Variants in GPSM2 observed in about 807,000 individuals in gnomAD.
GPSM2 encodes the protein G protein-signaling modulator 2.
A neutral mutation model predicts 78.4 loss-of-function variants in GPSM2; 58 were observed. The ratio of observed to expected loss-of-function variants is 0.74; its 90% CI spans 0.60 to 0.92. The LOEUF (loss-of-function observed/expected upper bound fraction) is 0.92. Ranked by LOEUF, GPSM2 falls within the 40% of genes least tolerant of loss-of-function variation. The probability of loss-of-function intolerance (pLI) is 0.00; values close to 1 mark genes in which losing one functional copy is unlikely to be tolerated. For missense variants in GPSM2, 700 were observed against 815.5 expected (o/e 0.86, Z 1.73); for synonymous variants, 224 against 280.2 (o/e 0.80, Z 2.00).
rs927060638 is a variant in GPSM2 at position 108,924,151 on chromosome 1, C to T, written c.1752C>T (p.His584=). 2 of 1,613,776 alleles carry T rather than the reference C, an allele frequency of 1.2e-6. No homozygotes were observed. The highest frequency in any genetic ancestry group is 1.7e-6 in the Non-Finnish European group (2 of 1,179,716). Residue 584 remains histidine (H), a synonymous_variant, in exon 14 of 15, where the codon CAC becomes CAT. Transcript: ENST00000264126. ...AAAACAGCCAGTCGGTACTTAGCCA[C>T]CTGATGACTAATGACAACAAAGAGG... ...LTQNSQSVLS[H]LMTNDNKEAD... is the part of the protein sequence containing the mutation.
In GPSM2 at chr1:108,930,594, AAAAT is replaced by A. The variant is rs946097672; in HGVS notation, c.*659_*662del. On this transcript the variant is annotated 3_prime_UTR_variant, in exon 15 of 15. Transcript: ENST00000264126. ...GCAACATAGACCCCCGTGTCTATGA[AAAAT>A]AAATCAGCAGCCAGGCGCAGTGGCT... 8.6e-5 allele frequency: 13 copies of A among 151,470 alleles called. No individual in the cohort carries two copies. Among genetic ancestry groups the A allele is most frequent in the African/African-American group, 2.7e-4 (11 of 40,950 alleles). 9.4% of individuals were successfully genotyped at this position (151,470 alleles called of 1,614,324 possible).
intron 9 of GPSM2, among the ~76,000 whole-genome samples, chr1:108,903,893 A>G (rs1392441746): frequency 1.3e-5 from 2 of 152,208 alleles, no homozygotes; most frequent in African/African-American, 4.8e-5. Flanking sequence ...TTAAAAGAAT[A>G]CAATTAGCTG....
intron 14 of GPSM2, 109 bp from the exon 15 acceptor site, chr1:108,929,592 C>A: frequency 1.1e-6 from 1 of 939,422 alleles, no homozygotes; most frequent in South Asian, 1.4e-5. Context: ...CTGAGAAGCC[C>A]CAAATAAAAG....
intron 13 of GPSM2, 96 bp from the exon 14 acceptor site, chr1:108,923,904 C>T (rs1329134900): frequency 7.9e-6 from 7 of 888,158 alleles, no homozygotes; most frequent in African/African-American, 6.6e-5. Context: ...ACTGGCAAGG[C>T]CGAAAAGATC....
At position 108,932,165 on chromosome 1, in the gene GPSM2, T is replaced by G. The variant is rs2101593033; in HGVS notation, c.*2225T>G. ...GATGCACATCTGTAATCCTAGCTACTCGGGAGACTGAGGCAGGAGAATCTC... is the reference window on the plus strand; with the variant it reads ...GATGCACATCTGTAATCCTAGCTACGCGGGAGACTGAGGCAGGAGAATCTC... On this transcript the variant is annotated 3_prime_UTR_variant, in exon 15 of 15. Coordinates refer to ENST00000264126, the MANE Select transcript of GPSM2 (RefSeq NM_013296.5). 6.6e-6 allele frequency: 1 copy of G among 152,300 alleles called. No homozygotes were observed. The highest frequency in any genetic ancestry group is 3.4e-3 in the Middle Eastern group (1 of 294). 9.4% of individuals were successfully genotyped at this position (152,300 alleles called of 1,614,324 possible). A position where few individuals can be genotyped will look rare whatever the true frequency, so the allele number is the denominator to read the frequency against.
At chr1:108,913,197 C>T (rs1166126193) in intron 10 of GPSM2, among the ~76,000 whole-genome samples, 2 of 152,160 alleles carry the variant, frequency 1.3e-5, no homozygotes, top group East Asian at 3.8e-4. Context: ...GTTGTGCTCC[C>T]AGTTATATAC....
chr1:108,923,939 GTTTTTTTGTTT>G, intron 13 of GPSM2, 50 bp from the exon 14 acceptor site: 1 of 1,228,666 alleles, frequency 8.1e-7, no homozygotes, highest in Non-Finnish European at 1.2e-6. Flanking sequence ...ATGTGCCTAG[GTTTTTTTGTTT>G]TTTGTTTTTT....
chr1:108,912,066 C>T (rs975295766), intron 10 of GPSM2, among the ~76,000 whole-genome samples: 3 of 152,016 alleles, frequency 2.0e-5, no homozygotes, highest in Non-Finnish European at 2.9e-5. Context: ...CCTCAGTCTC[C>T]CAAAGTGCTG....
intron 13 of GPSM2, among the ~76,000 whole-genome samples, chr1:108,923,752 T>C (rs1305467046): frequency 1.3e-5 from 2 of 152,184 alleles, no homozygotes; most frequent in Non-Finnish European, 2.9e-5. Context: ...TAGAGAAATA[T>C]AGTCAAATCT....
At chr1:108,921,573 T>G (rs1308769215) in intron 12 of GPSM2, among the ~76,000 whole-genome samples, 1 of 152,194 alleles carries the variant, frequency 6.6e-6, no homozygotes, top group African/African-American at 2.4e-5. Flanking sequence ...TTATTTCACA[T>G]AGGATAAAGT....
At chr1:108,897,434 CACCATTTGTATTTTAAT>C in intron 3 of GPSM2, 41 bp from the exon 4 acceptor site, 6 of 1,493,812 alleles carry the variant, frequency 4.0e-6, no homozygotes, top group Non-Finnish European at 5.5e-6. Flanking sequence ...TATATTTTAA[CACCATTTGTATTTTAAT>C]ACCATTTGGT....
chr1:108,896,002 T>C (rs1648334805), intron 2 of GPSM2, among the ~76,000 whole-genome samples: 1 of 152,110 alleles, frequency 6.6e-6, no homozygotes, highest in Admixed American at 6.6e-5. Flanking sequence ...TTTGCCAAAT[T>C]ACAGAAATAA....
At position 108,904,139 on chromosome 1, in the gene GPSM2, T is replaced by C; in HGVS notation, c.1077T>C (p.Ser359=). Reference sequence around the variant, plus strand: ...TTGTGTTGTAGGTTGGGGATAAAAGTGGTGAACTAACAGCACGACTTAATC... The same window carrying C: ...TTGTGTTGTAGGTTGGGGATAAAAGCGGTGAACTAACAGCACGACTTAATC... The part of the protein sequence containing the change: ...LEISREVGDK[S]GELTARLNLS... Residue 359 remains serine (S), a synonymous_variant, in exon 10 of 15, where the codon AGT becomes AGC. Coordinates refer to ENST00000264126, the MANE Select transcript of GPSM2 (RefSeq NM_013296.5). The C allele has an allele frequency of 6.2e-7, 1 of 1,600,156 alleles. No individual in the cohort carries two copies. The highest frequency in any genetic ancestry group is 1.3e-5 in the African/African-American group (1 of 74,802).
intron 10 of GPSM2, among the ~76,000 whole-genome samples, chr1:108,907,862 C>T (rs11581839): frequency 0.035 from 5,252 of 152,228 alleles, 102 homozygotes; most frequent in Middle Eastern, 0.075. Context: ...CACTCTGGCT[C>T]CAGAATCCGT....
At chr1:108,893,613 CTT>C (rs1383935748) in intron 2 of GPSM2, among the ~76,000 whole-genome samples, 7 of 152,076 alleles carry the variant, frequency 4.6e-5, no homozygotes, top group Non-Finnish European at 1.0e-4. Flanking sequence ...AAATTAAAAA[CTT>C]TTTGTAGGAA....
chr1:108,905,776 A>G (rs922325105), intron 10 of GPSM2, among the ~76,000 whole-genome samples: 34 of 152,182 alleles, frequency 2.2e-4, no homozygotes, highest in African/African-American at 8.0e-4. Flanking sequence ...CTGTGATGAT[A>G]AAAACGTTTT....
intron 2 of GPSM2, among the ~76,000 whole-genome samples, chr1:108,893,277 T>C (rs1190205138): frequency 6.6e-6 from 1 of 152,232 alleles, no homozygotes; most frequent in Non-Finnish European, 1.5e-5. Context: ...TAAATGTTGT[T>C]CACATGAATA....
In GPSM2 at chr1:108,897,173, T is replaced by C; in HGVS notation, c.278+88T>C. The stretch of plus-strand genomic sequence containing the variant: ...TTCTATTCAATTAACAAAAACTAAC[T>C]TAATACATTTAATGAGTTCTACTTC... On this transcript the variant is annotated intron_variant, in intron 3 of 14. Transcript: ENST00000264126. 6 of 942,828 alleles carry C rather than the reference T, an allele frequency of 6.4e-6. No homozygotes were observed. In the South Asian group the frequency reaches 8.2e-5, roughly 13 times the overall value. 58.4% of individuals were successfully genotyped at this position (942,828 alleles called of 1,614,324 possible).
rs572899790 is a variant in GPSM2, at chr1:108,925,635, G to A, written c.1815+1421G>A. 2.6e-4 allele frequency among the ~76,000 whole-genome samples: 39 copies of A among 152,144 alleles called. 1 individual carries two copies. In the South Asian group the frequency reaches 3.1e-3, roughly 12 times the overall value. ...CTAAGAACCTGAGTCAGATGATGAC[G>A]GAACTACTAGATTTGATAACATGGA... On this transcript the variant is annotated intron_variant, in intron 14 of 14. Coordinates refer to ENST00000264126, the MANE Select transcript of GPSM2 (RefSeq NM_013296.5).
Sources: gnomAD v4.1 joint callset for allele counts (sites outside exome capture counted in the v4.1 genomes callset) on GRCh38, gnomAD v4.1.1 for gene constraint, MANE v1.5 for transcripts, NCBI Gene and HGNC (gene_info 2026-07-23, HGNC 2026-07-21) for gene names.